CHST11: variants seen among roughly 807,000 people sequenced by gnomAD.
CHST11 encodes the protein C4S-1.
In CHST11, 9 loss-of-function variants were observed where a neutral mutation model predicts 30.4. The ratio of observed to expected loss-of-function variants is 0.30; its 90% CI spans 0.18 to 0.52. The LOEUF is 0.52. Among genes scored for constraint, CHST11 ranks in the 20% least tolerant of loss-of-function variants. The pLI is 0.97. For missense variants in CHST11, 348 were observed against 460.6 expected (o/e 0.76, Z 2.24); for synonymous variants, 152 against 187.8 (o/e 0.81, Z 1.56).
chr12:104,590,876 C>T (rs1268927470), intron 1 of CHST11, among the ~76,000 whole-genome samples: 2 of 151,694 alleles, frequency 1.3e-5, no homozygotes, highest in Non-Finnish European at 2.9e-5. Context: ...GAGCCAATAT[C>T]GCACCACTTT....
intron 1 of CHST11, among the ~76,000 whole-genome samples, chr12:104,558,035 G>T (rs1040577823): frequency 6.6e-6 from 1 of 152,014 alleles, no homozygotes; most frequent in Non-Finnish European, 1.5e-5. Context: ...TCTGCTGTGC[G>T]GAGAGGACCT....
chr12:104,690,835 AAAAAT>A (rs938409756), intron 2 of CHST11, among the ~76,000 whole-genome samples: 2 of 152,194 alleles, frequency 1.3e-5, no homozygotes, highest in Admixed American at 6.5e-5. Flanking sequence ...CTCCAAAAAT[AAAAAT>A]AAAATAAAAG....
At chr12:104,583,555 C>G (rs554029199) in intron 1 of CHST11, among the ~76,000 whole-genome samples, 1 of 152,266 alleles carries the variant, frequency 6.6e-6, no homozygotes, top group Non-Finnish European at 1.5e-5. Flanking sequence ...TGTCTGGGGC[C>G]TCCCCTATTC....
intron 2 of CHST11, among the ~76,000 whole-genome samples, chr12:104,625,361 A>G (rs1244715492): frequency 2.0e-5 from 3 of 152,072 alleles, no homozygotes; most frequent in East Asian, 1.9e-4. Context: ...CTGGAGTACA[A>G]TGGCTTGGTG....
At chr12:104,671,201 C>T (rs1451826858) in intron 2 of CHST11, among the ~76,000 whole-genome samples, 7 of 152,196 alleles carry the variant, frequency 4.6e-5, no homozygotes, top group South Asian at 2.1e-4. Context: ...CACCCTCCTC[C>T]GCAAAGCCTC....
chr12:104,650,651 A>AG (rs1330453385), intron 2 of CHST11, among the ~76,000 whole-genome samples: 2 of 152,332 alleles, frequency 1.3e-5, no homozygotes, highest in Admixed American at 6.5e-5. Context: ...CAAAGTCTCC[A>AG]GGGCACTAAA....
intron 2 of CHST11, among the ~76,000 whole-genome samples, chr12:104,642,214 A>G (rs2039383452): frequency 6.6e-6 from 1 of 152,184 alleles, no homozygotes; most frequent in South Asian, 2.1e-4. Flanking sequence ...AAAGGATGGT[A>G]TATCCATACT....
intron 2 of CHST11, among the ~76,000 whole-genome samples, chr12:104,670,499 A>ACC: frequency 6.7e-6 from 1 of 150,274 alleles, no homozygotes; most frequent in East Asian, 2.0e-4. Context: ...ACACTCATAC[A>ACC]CACTCACACA....
chr12:104,576,081 G>T (rs996749879), intron 1 of CHST11, among the ~76,000 whole-genome samples: 5 of 151,912 alleles, frequency 3.3e-5, no homozygotes, highest in Non-Finnish European at 5.9e-5. Context: ...TCCCTCCCAA[G>T]TACAGTATAT....
At chr12:104,539,963 C>T (rs935772660) in intron 1 of CHST11, among the ~76,000 whole-genome samples, 2 of 152,138 alleles carry the variant, frequency 1.3e-5, no homozygotes, top group African/African-American at 4.8e-5. Context: ...TGTGAGCCAC[C>T]ACACCCAGCC....
At chr12:104,723,762 T>C (rs1292845821) in intron 2 of CHST11, among the ~76,000 whole-genome samples, 1 of 152,224 alleles carries the variant, frequency 6.6e-6, no homozygotes, top group African/African-American at 2.4e-5. Context: ...ATCACTTTAG[T>C]GCCCAGAAGA....
intron 1 of CHST11, among the ~76,000 whole-genome samples, chr12:104,527,556 C>T (rs1230166411): frequency 1.3e-5 from 2 of 152,190 alleles, no homozygotes; most frequent in African/African-American, 2.4e-5. Context: ...CGACGTGGAT[C>T]TTCTATACTC....
chr12:104,560,146 G>A (rs1366501799), intron 1 of CHST11, among the ~76,000 whole-genome samples: 3 of 152,150 alleles, frequency 2.0e-5, no homozygotes, highest in African/African-American at 7.2e-5. Flanking sequence ...GGTGGGAGAG[G>A]CAGGCAAGGG....
At chr12:104,610,254 G>T (rs987410285) in intron 2 of CHST11, among the ~76,000 whole-genome samples, 1 of 152,160 alleles carries the variant, frequency 6.6e-6, no homozygotes, top group Non-Finnish European at 1.5e-5. Flanking sequence ...CCTCATCTCT[G>T]GGTTGTGTTC....
At chr12:104,577,841 G>C (rs1008910004) in intron 1 of CHST11, among the ~76,000 whole-genome samples, 9 of 152,036 alleles carry the variant, frequency 5.9e-5, no homozygotes, top group African/African-American at 2.2e-4. Flanking sequence ...TACTGAAGAG[G>C]AGATTTTTCT....
rs926881690 is a variant in CHST11 at position 104,755,883 on chromosome 12, G to A, written c.205-1066G>A. Among the ~76,000 whole-genome samples, 8 of 148,800 alleles carry A rather than the reference G, an allele frequency of 5.4e-5. No homozygotes were observed. The South Asian group carries it at 1.5e-3, about 28-fold the overall frequency. On this transcript the variant is annotated intron_variant, in intron 2 of 2. Coordinates refer to ENST00000303694, the MANE Select transcript of CHST11 (RefSeq NM_018413.6). ...GCCTAAGGAACGCTTGCGGCAAAGAGGAAAGAGTGAATCATTGGTTTCTCG... is the reference window on the plus strand; with the variant it reads ...GCCTAAGGAACGCTTGCGGCAAAGAAGAAAGAGTGAATCATTGGTTTCTCG...
At chr12:104,660,109 G>A (rs143699869) in intron 2 of CHST11, among the ~76,000 whole-genome samples, 4 of 152,262 alleles carry the variant, frequency 2.6e-5, no homozygotes, top group Admixed American at 2.6e-4. Context: ...GAAATGAGAC[G>A]CTCCAGGGAC....
chr12:104,593,498 T>A (rs753473073), intron 1 of CHST11, among the ~76,000 whole-genome samples: 51 of 152,246 alleles, frequency 3.3e-4, no homozygotes, highest in Non-Finnish European at 6.2e-4. Flanking sequence ...CAGTTGTGAA[T>A]ACAAGCGTGC....
chr12:104,537,381 C>T (rs1013823772), intron 1 of CHST11, among the ~76,000 whole-genome samples: 16 of 151,638 alleles, frequency 1.1e-4, no homozygotes, highest in African/African-American at 2.4e-4. Flanking sequence ...TGGCTTTCCA[C>T]GACATTAGGG....
Sources: allele counts gnomAD v4.1 joint callset (sites outside exome capture counted in the v4.1 genomes callset), GRCh38; gene constraint gnomAD v4.1.1; transcripts MANE v1.5; gene names NCBI Gene and HGNC (gene_info 2026-07-23, HGNC 2026-07-21).